Variants in CKS2 observed in about 807,000 individuals in gnomAD.
CKS2 encodes the protein cyclin-dependent kinases regulatory subunit 2.
A neutral mutation model predicts 14.3 loss-of-function variants in CKS2; 4 were observed. The ratio of observed to expected loss-of-function variants is 0.28; its 90% CI spans 0.14 to 0.64. The LOEUF is 0.64. Among genes scored for constraint, CKS2 ranks in the 30% least tolerant of loss-of-function variants. The probability of loss-of-function intolerance (pLI) is 0.83; values close to 1 mark genes in which losing one functional copy is unlikely to be tolerated. For synonymous variants in CKS2, 33 were observed against 28.7 expected (o/e 1.15, Z -0.48); for missense variants, 71 against 94.3 (o/e 0.75, Z 1.02).
rs1196739458 is a variant in CKS2, at chr9:89,315,348, T to G, written c.187+51T>G. ...GCAGTAATTGTTGAAATATTGGTGG[T>G]TATGGTTGTCAAAATTTTAAAAATA... On this transcript the variant is annotated intron_variant, in intron 2 of 2. Transcript: ENST00000314355. The G allele has an allele frequency of 2.1e-6, 3 of 1,418,338 alleles. No individual in the cohort carries two copies. In the South Asian group the frequency reaches 4.8e-5, roughly 22 times the overall value. The allele number at this position is 1,418,338 out of a possible 1,614,324, so 87.9% of individuals were successfully genotyped here.
Position 89,311,248 on chromosome 9 carries a change from C to T in CKS2, c.-45C>T, listed in dbSNP as rs368569573. 1.9e-6 allele frequency: 3 copies of T among 1,569,846 alleles called. No individual in the cohort carries two copies. Among genetic ancestry groups the T allele is most frequent in the East Asian group, 2.3e-5 (1 of 43,672 alleles). ...CTGGACGTGGTTTTGTCTGCTGCGC[C>T]CGCTCTTCGCGCTCTCGTTTCATTT... On this transcript the variant is annotated 5_prime_UTR_variant, in exon 1 of 3. Coordinates refer to ENST00000314355, the MANE Select transcript of CKS2 (RefSeq NM_001827.3).
rs1360787749 is a variant in CKS2, at chr9:89,315,098, C to T, written c.60-72C>T. ...TCTCAATATTAAAGCAACAGAGTTC[C>T]TTAAGGTACATGTATAAAGCGACAG... On this transcript the variant is annotated intron_variant, in intron 1 of 2. Transcript: ENST00000314355. The T allele has an allele frequency of 2.2e-6, 3 of 1,358,450 alleles. No individual in the cohort carries two copies. In the African/African-American group the frequency reaches 4.5e-5, roughly 20 times the overall value. The allele number at this position is 1,358,450 out of a possible 1,614,324, so 84.1% of individuals were successfully genotyped here. A position where few individuals can be genotyped will look rare whatever the true frequency, so the allele number is the denominator to read the frequency against.
chr9:89,312,865 A>G (rs937077523), intron 1 of CKS2, among the ~76,000 whole-genome samples: 3 of 152,186 alleles, frequency 2.0e-5, no homozygotes, highest in Non-Finnish European at 2.9e-5. Flanking sequence ...TCTGGTGCCA[A>G]GTGTTTAGGA....
intron 1 of CKS2, among the ~76,000 whole-genome samples, chr9:89,312,682 AT>A (rs971045104): frequency 6.6e-6 from 1 of 152,108 alleles, no homozygotes; most frequent in African/African-American, 2.4e-5. Context: ...CTGTAGGTAA[AT>A]TTCAAGTAGA....
intron 1 of CKS2, among the ~76,000 whole-genome samples, chr9:89,312,845 C>G (rs900803989): frequency 1.3e-5 from 2 of 152,104 alleles, no homozygotes; most frequent in Non-Finnish European, 2.9e-5. Flanking sequence ...GAAAATTATT[C>G]TGAAACACAT....
chr9:89,315,947 C>G (rs964681933), intron 2 of CKS2, among the ~76,000 whole-genome samples: 1 of 152,180 alleles, frequency 6.6e-6, no homozygotes, highest in Non-Finnish European at 1.5e-5. Context: ...GGAATTAAAA[C>G]TATCTTCTAC....
intron 1 of CKS2, among the ~76,000 whole-genome samples, chr9:89,314,375 A>G (rs1051799388): frequency 2.0e-5 from 3 of 152,196 alleles, no homozygotes; most frequent in African/African-American, 7.2e-5. Flanking sequence ...TTAACTTTGA[A>G]GGTTATTCCA....
chr9:89,315,205 T>C lies in CKS2; in HGVS notation c.95T>C (p.Val32Ala). ...VMLPRELSKQ[V>A]PKTHLMSEEE... ...TTACCCAGAGAACTTTCCAAACAAG[T>C]ACCTAAAACTCATCTGATGTCTGAA... Residue 32 changes from valine (V) to alanine (A), a missense_variant, in exon 2 of 3, where the codon GTA becomes GCA. Transcript: ENST00000314355. The C allele has an allele frequency of 6.2e-7, 1 of 1,610,648 alleles. No individual in the cohort carries two copies. The highest frequency in any genetic ancestry group is 8.5e-7 in the Non-Finnish European group (1 of 1,178,484).
Position 89,316,562 on chromosome 9 carries a change from A to C in CKS2, c.*137A>C, listed in dbSNP as rs1824717818. 2 of 527,998 alleles carry C rather than the reference A, an allele frequency of 3.8e-6. No individual in the cohort carries two copies. The highest frequency in any genetic ancestry group is 3.4e-5 in the Admixed American group (1 of 29,124). The allele number at this position is 527,998 out of a possible 1,614,324, so 32.7% of individuals were successfully genotyped here. A position where few individuals can be genotyped will look rare whatever the true frequency, so the allele number is the denominator to read the frequency against. ...TGAGCTGTATTCTTCACAGCAACAG[A>C]GCTCAGTTAAATGCAACTGCAAGTA... is the stretch of plus-strand genomic sequence containing the variant. On this transcript the variant is annotated 3_prime_UTR_variant, in exon 3 of 3. Transcript: ENST00000314355.
At chr9:89,315,005 T>C (rs1824681774) in intron 1 of CKS2, among the ~76,000 whole-genome samples, 165 bp from the exon 2 acceptor site, 1 of 152,224 alleles carries the variant, frequency 6.6e-6, no homozygotes, top group Non-Finnish European at 1.5e-5. Context: ...GCTTTTGGAT[T>C]GTGCACTCTT....
chr9:89,313,272 T>A lies in CKS2; in HGVS notation c.60-1898T>A, dbSNP rs1824652518. 2.6e-5 allele frequency among the ~76,000 whole-genome samples: 4 copies of A among 152,232 alleles called. No homozygotes were observed. In the South Asian group the frequency reaches 8.3e-4, roughly 31 times the overall value. On this transcript the variant is annotated intron_variant, in intron 1 of 2. Transcript: ENST00000314355. ...TCCCAGTGTGCAGTTATCTCTATCTTTCTTTGATTTTTCTTAATTACAAAC... is the reference window on the plus strand; with the variant it reads ...TCCCAGTGTGCAGTTATCTCTATCTATCTTTGATTTTTCTTAATTACAAAC...
rs958079892 is a variant in CKS2 at position 89,316,681 on chromosome 9, A to G, written c.*256A>G. ...TACTGAAACAGTTTACTTTTGTTCA[A>G]TAAAGTTTGTATGTTGCATTTATCA... On this transcript the variant is annotated 3_prime_UTR_variant, in exon 3 of 3. Coordinates refer to ENST00000314355, the MANE Select transcript of CKS2 (RefSeq NM_001827.3). The G allele has an allele frequency of 8.5e-6, 3 of 353,716 alleles. No homozygotes were observed. Among genetic ancestry groups the G allele is most frequent in the South Asian group, 1.0e-4 (1 of 9,892 alleles). The allele number at this position is 353,716 out of a possible 1,614,324, so 21.9% of individuals were successfully genotyped here. A position where few individuals can be genotyped will look rare whatever the true frequency, so the allele number is the denominator to read the frequency against.
At position 89,316,359 on chromosome 9, in the gene CKS2, T is replaced by A; in HGVS notation, c.188-14T>A. ...AATCATATTAAAATGATTCAAAACA[T>A]TTTCTTTCCACAGAACCACATATTC... On this transcript the variant is annotated splice_polypyrimidine_tract_variant and intron_variant, in intron 2 of 2. Coordinates refer to ENST00000314355, the MANE Select transcript of CKS2 (RefSeq NM_001827.3). 6.5e-7 allele frequency: 1 copy of A among 1,542,850 alleles called. No homozygotes were observed. Among genetic ancestry groups the A allele is most frequent in the Non-Finnish European group, 8.9e-7 (1 of 1,121,804 alleles).
intron 1 of CKS2, 32 bp from the exon 2 acceptor site, chr9:89,315,138 C>A (rs771110888): frequency 6.3e-7 from 1 of 1,576,970 alleles, no homozygotes. Context: ...AGAAAAGGCA[C>A]TGGACTAACA....
intron 1 of CKS2, 95 bp from the exon 2 acceptor site, chr9:89,315,075 T>C: frequency 9.1e-7 from 1 of 1,099,306 alleles, no homozygotes; most frequent in Non-Finnish European, 1.3e-6. Flanking sequence ...ATTGCAGTTC[T>C]CAATATTAAA....
At chr9:89,314,353 C>T (rs1439478170) in intron 1 of CKS2, among the ~76,000 whole-genome samples, 2 of 152,130 alleles carry the variant, frequency 1.3e-5, no homozygotes, top group African/African-American at 2.4e-5. Flanking sequence ...TACAATTATA[C>T]ATATTGATGG....
intron 1 of CKS2, chr9:89,312,439 T>C (rs557481031): frequency 6.5e-6 from 1 of 154,340 alleles, no homozygotes; most frequent in South Asian, 2.0e-4. Flanking sequence ...ATAAAGCCCA[T>C]GCCATCGTTG....
At position 89,315,258 on chromosome 9, in the gene CKS2, C is replaced by G. The variant is rs781467586; in HGVS notation, c.148C>G (p.Gln50Glu). ...EEEWRRLGVQ[Q>E]SLGWVHYMIH... ...GGAGTGGAGGAGACTTGGTGTCCAA[C>G]AGAGTCTAGGCTGGGTTCATTACAT... The change falls in exon 2 of 3, where the codon CAG becomes GAG. Residue 50 changes from glutamine (Q) to glutamate (E), a missense_variant. Coordinates refer to ENST00000314355, the MANE Select transcript of CKS2 (RefSeq NM_001827.3). 6.2e-7 allele frequency: 1 copy of G among 1,611,520 alleles called. No homozygotes were observed. The highest frequency in any genetic ancestry group is 1.7e-5 in the Admixed American group (1 of 59,842).
chr9:89,315,490 G>A (rs1824691723), intron 2 of CKS2, among the ~76,000 whole-genome samples, 193 bp downstream of exon 2: 1 of 139,846 alleles, frequency 7.2e-6, no homozygotes, highest in African/African-American at 2.7e-5. Context: ...TACCACAGCA[G>A]TGAAAGTAAC....
Sources: gnomAD v4.1 joint callset for allele counts (sites outside exome capture counted in the v4.1 genomes callset) on GRCh38, gnomAD v4.1.1 for gene constraint, MANE v1.5 for transcripts, NCBI Gene and HGNC (gene_info 2026-07-23, HGNC 2026-07-21) for gene names.